The following SIM2 variants were observed in gnomAD, a reference collection of about 807,000 sequenced individuals.
SIM2 encodes the protein single-minded homolog 2.
In SIM2, 28 loss-of-function variants were observed where a neutral mutation model predicts 64.8. The ratio of observed to expected loss-of-function variants is 0.43; its 90% CI spans 0.32 to 0.59. The LOEUF (loss-of-function observed/expected upper bound fraction) is 0.59, where lower values mean the gene tolerates loss of function less well. Ranked by LOEUF, SIM2 falls within the 20% of genes least tolerant of loss-of-function variation. The pLI, the probability that SIM2 is intolerant of heterozygous loss-of-function variation, is 0.07. For synonymous variants in SIM2, 408 were observed against 391.1 expected (o/e 1.04, Z -0.51); for missense variants, 847 against 871.4 (o/e 0.97, Z 0.35).
chr21:36,700,378 C>A (rs1179724037), intron 1 of SIM2, among the ~76,000 whole-genome samples: 1 of 147,958 alleles, frequency 6.8e-6, no homozygotes, highest in South Asian at 2.1e-4. Flanking sequence ...TTCCTTGGCC[C>A]CCTCTCTCCC....
At chr21:36,731,222 G>A in intron 7 of SIM2, 71 bp downstream of exon 7, 2 of 1,096,900 alleles carry the variant, frequency 1.8e-6, no homozygotes, top group South Asian at 1.3e-5. Context: ...CAGAGCCGGG[G>A]GACGTGTCCC....
chr21:36,713,267 C>A (rs2088700679), intron 3 of SIM2, among the ~76,000 whole-genome samples: 1 of 152,076 alleles, frequency 6.6e-6, no homozygotes, highest in Non-Finnish European at 1.5e-5. Context: ...AAGATGGAAT[C>A]ATCTTCTTAA....
In SIM2 at chr21:36,737,538, A is replaced by T. The variant is rs530505142; in HGVS notation, c.851-4179A>T. On this transcript the variant is annotated intron_variant, in intron 7 of 10. Transcript: ENST00000290399. The stretch of plus-strand genomic sequence containing the variant: ...GTCAGTAAACCTGACAGTTTGTGTC[A>T]TGGGACACTGGGCTGTCCATGGTTT... 2.0e-5 allele frequency among the ~76,000 whole-genome samples: 3 copies of T among 152,362 alleles called. No individual in the cohort carries two copies. The East Asian group carries it at 5.8e-4, about 29-fold the overall frequency.
chr21:36,733,166 C>T (rs996562189), intron 7 of SIM2, among the ~76,000 whole-genome samples: 4 of 152,084 alleles, frequency 2.6e-5, no homozygotes, highest in Non-Finnish European at 5.9e-5. Context: ...CTCTTCACAG[C>T]GGGCTGAAAG....
In SIM2 at chr21:36,699,971, G is replaced by T; in HGVS notation, c.175+50G>T. ...GGACGCTGGGGAGCCCGGCGGCCCC[G>T]GCCCAGGCGGGAAGCGCAAGCCAGC... On this transcript the variant is annotated intron_variant, in intron 1 of 10. Coordinates refer to ENST00000290399, the MANE Select transcript of SIM2 (RefSeq NM_005069.6). This position sits in a 1 kb window ranked among gnomAD's most constrained non-coding sequence, Gnocchi z 5.6. 2 of 1,516,270 alleles carry T rather than the reference G, an allele frequency of 1.3e-6. No individual in the cohort carries two copies. Among genetic ancestry groups the T allele is most frequent in the Non-Finnish European group, 8.8e-7 (1 of 1,136,090 alleles). The allele number at this position is 1,516,270 out of a possible 1,614,324, so 93.9% of individuals were successfully genotyped here.
chr21:36,736,526 C>T (rs1392860054), intron 7 of SIM2, among the ~76,000 whole-genome samples: 1 of 152,204 alleles, frequency 6.6e-6, no homozygotes, highest in African/African-American at 2.4e-5. Flanking sequence ...CCTCCAGAAA[C>T]TTGAGCTTTG....
rs979399421 is a variant in SIM2 at position 36,748,502 on chromosome 21, G to C, written c.*410G>C. On this transcript the variant is annotated 3_prime_UTR_variant, in exon 11 of 11. Coordinates refer to ENST00000290399, the MANE Select transcript of SIM2 (RefSeq NM_005069.6). ...CTACCACAGTCCGCTCTTCCAAGTG[G>C]ACGGCAGACCTGGGAGGGGACGCCT... is the stretch of plus-strand genomic sequence containing the variant. The C allele has an allele frequency of 1.3e-5, 2 of 152,442 alleles. No individual in the cohort carries two copies. The highest frequency in any genetic ancestry group is 1.3e-4 in the Admixed American group (2 of 15,298). The allele number at this position is 152,442 out of a possible 1,614,324, so 9.4% of individuals were successfully genotyped here.
intron 2 of SIM2, 93 bp downstream of exon 2, chr21:36,709,343 G>C (rs1369238075): frequency 9.4e-7 from 1 of 1,062,218 alleles, no homozygotes; most frequent in Admixed American, 2.0e-5. Context: ...CCCCAGGAGC[G>C]CCAGGCAGAT....
intron 9 of SIM2, among the ~76,000 whole-genome samples, chr21:36,744,264 G>T (rs1601061251): frequency 7.6e-6 from 1 of 131,124 alleles, no homozygotes; most frequent in East Asian, 2.6e-4. Context: ...TGGTAATGTG[G>T]TCATTAGCAG....
In SIM2 at chr21:36,747,945, C is replaced by T. The variant is rs577341365; in HGVS notation, c.1857C>T (p.Ala619=). The change falls in exon 11 of 11, where the codon GCC becomes GCT. Residue 619 remains alanine, a synonymous_variant. Coordinates refer to ENST00000290399, the MANE Select transcript of SIM2 (RefSeq NM_005069.6). This position sits in a 1 kb window ranked among gnomAD's most constrained non-coding sequence, Gnocchi z 4.5. ...CGCTGGGGGGCGCCGCACCCGCCGC[C>T]TCCGGCCTGGCCTGCGCTCCCGGCG... is the stretch of plus-strand genomic sequence containing the variant. ...RGPLGGAAPA[A]SGLACAPGGP... 2.3e-4 allele frequency: 235 copies of T among 1,023,060 alleles called. 3 individuals carry two copies. The East Asian group carries it at 0.018, about 78-fold the overall frequency. 63.4% of individuals were successfully genotyped at this position (1,023,060 alleles called of 1,614,324 possible).
intron 5 of SIM2, among the ~76,000 whole-genome samples, chr21:36,725,841 G>A (rs745378903): frequency 2.6e-5 from 4 of 152,044 alleles, no homozygotes; most frequent in Non-Finnish European, 4.4e-5. Context: ...GGCTGGTCTC[G>A]AACTCCTGGA....
At position 36,719,941 on chromosome 21, in the gene SIM2, A is replaced by C; in HGVS notation, c.457+12A>C. ...CCACCTGCTCCAAGGTATTCCATCC[A>C]GAGGGAAAAAAAAAAACAGACTAAA... On this transcript the variant is annotated intron_variant, in intron 4 of 10. Coordinates refer to ENST00000290399, the MANE Select transcript of SIM2 (RefSeq NM_005069.6). 6.5e-7 allele frequency: 1 copy of C among 1,527,792 alleles called. No individual in the cohort carries two copies. The highest frequency in any genetic ancestry group is 1.1e-5 in the South Asian group (1 of 89,162). The allele number at this position is 1,527,792 out of a possible 1,614,324, so 94.6% of individuals were successfully genotyped here. A position where few individuals can be genotyped will look rare whatever the true frequency, so the allele number is the denominator to read the frequency against.
intron 2 of SIM2, chr21:36,709,829 G>T (rs1326574708): frequency 2.3e-5 from 5 of 221,046 alleles, no homozygotes; most frequent in Admixed American, 1.6e-4. Context: ...TTTGTTTTTT[G>T]TTTGTTTGTT....
At chr21:36,736,401 G>A (rs552260540) in intron 7 of SIM2, among the ~76,000 whole-genome samples, 1 of 152,286 alleles carries the variant, frequency 6.6e-6, no homozygotes, top group East Asian at 1.9e-4. Flanking sequence ...TGGTGGTCCG[G>A]GAGGGCCAGA....
At chr21:36,719,621 A>G (rs2088795090) in intron 3 of SIM2, among the ~76,000 whole-genome samples, 200 bp from the exon 4 acceptor site, 1 of 152,190 alleles carries the variant, frequency 6.6e-6, no homozygotes, top group Non-Finnish European at 1.5e-5. Flanking sequence ...TGGCCTTTTT[A>G]GACAGTGTGG....
At chr21:36,740,039 GA>G (rs1011827087) in intron 7 of SIM2, among the ~76,000 whole-genome samples, 6 of 139,270 alleles carry the variant, frequency 4.3e-5, no homozygotes, top group African/African-American at 1.0e-4. Flanking sequence ...AAGAAAGAAA[GA>G]AAGAAAGAAA....
chr21:36,706,123 A>G (rs992273367), intron 1 of SIM2, among the ~76,000 whole-genome samples: 2 of 152,200 alleles, frequency 1.3e-5, no homozygotes, highest in African/African-American at 4.8e-5. Flanking sequence ...TACCCCCAGG[A>G]CCAGCTTCGG....
Position 36,748,772 on chromosome 21 carries a change from A to T in SIM2, c.*680A>T, listed in dbSNP as rs2089274978. 6.5e-6 allele frequency: 1 copy of T among 152,684 alleles called. No homozygotes were observed. Among genetic ancestry groups the T allele is most frequent in the Middle Eastern group, 3.4e-3 (1 of 294 alleles). The allele number at this position is 152,684 out of a possible 1,614,324, so 9.5% of individuals were successfully genotyped here. A position where few individuals can be genotyped will look rare whatever the true frequency, so the allele number is the denominator to read the frequency against. The stretch of plus-strand genomic sequence containing the variant: ...CATTAACAAGCTCTTACTTCCCCCT[A>T]ACCCCTATGAACTCTTGATAACACC... On this transcript the variant is annotated 3_prime_UTR_variant, in exon 11 of 11. Transcript: ENST00000290399.
At chr21:36,709,095 G>C in intron 1 of SIM2, 73 bp from the exon 2 acceptor site, 3 of 1,377,844 alleles carry the variant, frequency 2.2e-6, no homozygotes, top group Non-Finnish European at 3.0e-6. Flanking sequence ...CAGGGGTTCC[G>C]CGTGACCTGC....
Sources: gnomAD v4.1 joint callset for allele counts (sites outside exome capture counted in the v4.1 genomes callset) on GRCh38, gnomAD v4.1.1 for gene constraint, Gnocchi (gnomAD v3.1) non-coding constraint, MANE v1.5 for transcripts, NCBI Gene and HGNC (gene_info 2026-07-23, HGNC 2026-07-21) for gene names.